PRRG1: variants seen among roughly 807,000 people sequenced by gnomAD.
The protein encoded by PRRG1 is proline rich and Gla domain 1, also known as transmembrane gamma-carboxyglutamic acid protein 1.
PRRG1 carries 5 observed loss-of-function variants against 11.8 expected under a neutral mutation model. That is an observed-to-expected ratio of 0.42 (90% CI 0.22 to 0.89). The LOEUF (loss-of-function observed/expected upper bound fraction) is 0.89. Among genes scored for constraint, PRRG1 ranks in the 40% least tolerant of loss-of-function variants. PRRG1 has a pLI of 0.28. For synonymous variants in PRRG1, 66 were observed against 60.4 expected (o/e 1.09, Z -0.43); for missense variants, 155 against 166.1 (o/e 0.93, Z 0.37).
At chrX:37,442,325 C>T (rs1313490078) in intron 3 of PRRG1, 1 of 560,905 alleles carries the variant, frequency 1.8e-6, no homozygotes. Flanking sequence ...AGTCTCTCCA[C>T]CCAGTCCTGT....
chrX:37,398,995 C>G (rs1486759608), intron 1 of PRRG1, among the ~76,000 whole-genome samples: 1 of 112,071 alleles, frequency 8.9e-6, no homozygotes, highest in Non-Finnish European at 1.9e-5. Context: ...AAGACCAAAT[C>G]TACATCTGAT....
At chrX:37,382,168 T>C in intron 1 of PRRG1, among the ~76,000 whole-genome samples, 1 of 111,914 alleles carries the variant, frequency 8.9e-6, no homozygotes, top group South Asian at 3.7e-4. Context: ...TTCACTGCCA[T>C]ACCATCTCCA....
intron 1 of PRRG1, among the ~76,000 whole-genome samples, chrX:37,399,818 C>T (rs1279914866): frequency 9.4e-6 from 1 of 106,284 alleles, no homozygotes; most frequent in Non-Finnish European, 1.9e-5. Flanking sequence ...CAAAAAAAGG[C>T]AGGGGTTGCA....
chrX:37,399,706 G>A (rs1602002372), intron 1 of PRRG1, among the ~76,000 whole-genome samples: 1 of 104,588 alleles, frequency 9.6e-6, no homozygotes, highest in South Asian at 4.7e-4. Context: ...AAAGAGTCAA[G>A]ACCCATCAGT....
chrX:37,417,797 A>G (rs1569445696), intron 2 of PRRG1, among the ~76,000 whole-genome samples: 2 of 112,107 alleles, frequency 1.8e-5, no homozygotes, highest in African/African-American at 6.5e-5. Context: ...AAGCGAGAAA[A>G]CAAAGAATTA....
intron 1 of PRRG1, among the ~76,000 whole-genome samples, chrX:37,352,199 G>A (rs189943889): frequency 8.9e-6 from 1 of 112,589 alleles, no homozygotes; most frequent in East Asian, 2.8e-4. Context: ...TGGTTCTTTA[G>A]TTTAAAAATA....
intron 1 of PRRG1, among the ~76,000 whole-genome samples, chrX:37,376,258 T>A (rs1211660197): frequency 9.2e-6 from 1 of 108,753 alleles, no homozygotes; most frequent in Non-Finnish European, 1.9e-5. Context: ...ATCGATTTTT[T>A]TTTTCCTGTT....
At chrX:37,350,604 T>G (rs1195022352) in intron 1 of PRRG1, among the ~76,000 whole-genome samples, 6 of 111,939 alleles carry the variant, frequency 5.4e-5, no homozygotes, top group African/African-American at 2.0e-4. Context: ...TATGCTTTCA[T>G]TTTCAAACTT....
chrX:37,374,727 A>C (rs1233531185), intron 1 of PRRG1, among the ~76,000 whole-genome samples: 2 of 111,018 alleles, frequency 1.8e-5, no homozygotes, highest in Non-Finnish European at 3.8e-5. Context: ...GTATTTTAAA[A>C]TTTCCTTTTT....
chrX:37,446,277 TG>T (rs2146634686), intron 3 of PRRG1, among the ~76,000 whole-genome samples: 2 of 111,827 alleles, frequency 1.8e-5, no homozygotes, highest in South Asian at 7.5e-4. Flanking sequence ...CTGAATTTTT[TG>T]GGGGGTTGGT....
intron 3 of PRRG1, among the ~76,000 whole-genome samples, chrX:37,446,516 G>A (rs1933078235): frequency 8.9e-6 from 1 of 112,027 alleles, no homozygotes; most frequent in South Asian, 3.7e-4. Context: ...AAAATGATAT[G>A]TGATGAACTT....
At position 37,410,423 on chromosome X, in the gene PRRG1, A is replaced by G. The variant is rs192723282; in HGVS notation, c.10+4164A>G. On this transcript the variant is annotated intron_variant, in intron 2 of 3. Coordinates refer to ENST00000378628, the MANE Select transcript of PRRG1 (RefSeq NM_001142395.2). ...TCTTCCAATAAACCATGTTCTGCAT[A>G]TCTTAATCATCAGTAGTGTGTAAGT... is the stretch of plus-strand genomic sequence containing the variant. Among the ~76,000 whole-genome samples, 688 of 111,966 alleles carry G rather than the reference A, an allele frequency of 6.1e-3. 2 individuals carry two copies. The highest frequency in any genetic ancestry group is 0.021 in the African/African-American group (648 of 30,849).
intron 1 of PRRG1, among the ~76,000 whole-genome samples, chrX:37,381,888 T>A (rs1931165181): frequency 9.0e-6 from 1 of 111,717 alleles, no homozygotes; most frequent in East Asian, 2.8e-4. Flanking sequence ...AAATTTTATA[T>A]AAGATAATTT....
chrX:37,401,011 G>C (rs1250465040), intron 1 of PRRG1, among the ~76,000 whole-genome samples: 1 of 110,473 alleles, frequency 9.1e-6, no homozygotes, highest in Non-Finnish European at 1.9e-5. Context: ...CAACGAAAAA[G>C]AGTCCAGGAC....
intron 1 of PRRG1, among the ~76,000 whole-genome samples, chrX:37,373,066 T>C (rs1930820148): frequency 8.9e-6 from 1 of 112,166 alleles, no homozygotes; most frequent in Non-Finnish European, 1.9e-5. Flanking sequence ...CTTTTCCCAT[T>C]ATGTGTTCTT....
At chrX:37,364,960 T>C (rs965035276) in intron 1 of PRRG1, among the ~76,000 whole-genome samples, 3 of 112,020 alleles carry the variant, frequency 2.7e-5, no homozygotes, top group African/African-American at 9.7e-5. Flanking sequence ...TTCCTACATA[T>C]AGTCATATTA....
chrX:37,400,452 A>G (rs1244208643), intron 1 of PRRG1, among the ~76,000 whole-genome samples: 1 of 111,226 alleles, frequency 9.0e-6, no homozygotes, highest in African/African-American at 3.3e-5. Context: ...AAGACACACC[A>G]CACCAGAATC....
At chrX:37,369,586 C>T (rs782773684) in intron 1 of PRRG1, among the ~76,000 whole-genome samples, 1 of 111,739 alleles carries the variant, frequency 8.9e-6, no homozygotes, top group African/African-American at 3.3e-5. Context: ...TTCCTCCTGT[C>T]TAACTGAAAT....
intron 3 of PRRG1, among the ~76,000 whole-genome samples, chrX:37,448,157 C>T (rs141997550): frequency 0.022 from 2,419 of 111,914 alleles, 59 homozygotes; most frequent in African/African-American, 0.07. Context: ...AACAAAAGAA[C>T]GAAGCAACGA....
Sources: gnomAD v4.1 joint callset for allele counts (sites outside exome capture counted in the v4.1 genomes callset) on GRCh38, gnomAD v4.1.1 for gene constraint, MANE v1.5 for transcripts, NCBI Gene and HGNC (gene_info 2026-07-23, HGNC 2026-07-21) for gene names.